Variants in TMEM65 observed in about 807,000 individuals in gnomAD.
TMEM65 encodes the protein transmembrane protein 65.
A neutral mutation model predicts 25.4 loss-of-function variants in TMEM65; 22 were observed. That is an observed-to-expected ratio of 0.86 (90% CI 0.62 to 1.23). TMEM65 has a LOEUF of 1.23. TMEM65 is among the 50% of genes most tolerant of loss of function. The pLI is 0.00. For synonymous variants in TMEM65, 132 were observed against 126.2 expected, an observed-to-expected ratio of 1.05 and a Z score of -0.31; for missense variants, 262 against 308.2, an observed-to-expected ratio of 0.85 and a Z score of 1.12.
At chr8:124,353,035 G>A (rs1256395537) in intron 1 of TMEM65, among the ~76,000 whole-genome samples, 4 of 152,114 alleles carry the variant, frequency 2.6e-5, no homozygotes, top group Non-Finnish European at 5.9e-5. Flanking sequence ...GATGAGGCAG[G>A]AAAGTTGCTT....
At chr8:124,363,709 C>T (rs1484173484) in intron 1 of TMEM65, among the ~76,000 whole-genome samples, 1 of 150,516 alleles carries the variant, frequency 6.6e-6, no homozygotes, top group Non-Finnish European at 1.5e-5. Context: ...TAGTGGCGGG[C>T]GCCTGTAGTC....
chr8:124,339,413 T>C (rs145660455), intron 1 of TMEM65, among the ~76,000 whole-genome samples: 1 of 151,522 alleles, frequency 6.6e-6, no homozygotes, highest in East Asian at 1.9e-4. Context: ...CTATAAATAC[T>C]GTCTGCCCAC....
chr8:124,327,241 C>T (rs1814375403), intron 3 of TMEM65, 113 bp downstream of exon 3: 2 of 691,928 alleles, frequency 2.9e-6, no homozygotes, highest in East Asian at 3.0e-5. Context: ...TAAAAAATAT[C>T]CTTGTTCATT....
In TMEM65 at chr8:124,313,178, A is replaced by T. The variant is rs1162679187; in HGVS notation, c.*782T>A. 2 of 151,740 alleles carry T rather than the reference A, an allele frequency of 1.3e-5. No homozygotes were observed. 9.4% of individuals were successfully genotyped at this position (151,740 alleles called of 1,614,324 possible). ...TAATTCCACAATCCCCATTTCAAAG[A>T]CTCTAAAATAATCATTTGCTTCCCC... On this transcript the variant is annotated 3_prime_UTR_variant, in exon 7 of 7. Coordinates refer to ENST00000297632, the MANE Select transcript of TMEM65 (RefSeq NM_194291.3).
intron 2 of TMEM65, 130 bp from the exon 3 acceptor site, chr8:124,327,551 A>G (rs1055037503): frequency 3.4e-6 from 2 of 592,044 alleles, no homozygotes; most frequent in Non-Finnish European, 5.7e-6. Flanking sequence ...CATTTTCCAG[A>G]GCCAATAGAT....
At chr8:124,346,918 G>A (rs1203057281) in intron 1 of TMEM65, among the ~76,000 whole-genome samples, 2 of 152,170 alleles carry the variant, frequency 1.3e-5, no homozygotes, top group Non-Finnish European at 2.9e-5. Flanking sequence ...AAGTTCAAAT[G>A]AGTAAGGTAA....
chr8:124,344,169 G>A (rs1814616432), intron 1 of TMEM65, among the ~76,000 whole-genome samples: 1 of 152,168 alleles, frequency 6.6e-6, no homozygotes, highest in South Asian at 2.1e-4. Context: ...GTAACTCCAT[G>A]TATCAATAAG....
At chr8:124,354,633 A>G (rs192794120) in intron 1 of TMEM65, among the ~76,000 whole-genome samples, 11 of 152,282 alleles carry the variant, frequency 7.2e-5, no homozygotes, top group Admixed American at 5.9e-4. Context: ...GCCCAACTCC[A>G]GACAACACAA....
intron 1 of TMEM65, among the ~76,000 whole-genome samples, chr8:124,339,962 T>C (rs1814565925): frequency 6.6e-6 from 1 of 152,000 alleles, no homozygotes; most frequent in Non-Finnish European, 1.5e-5. Context: ...GTGAGGTGTA[T>C]CAGAAAAGAA....
chr8:124,361,599 G>C (rs1814862229), intron 1 of TMEM65, among the ~76,000 whole-genome samples: 1 of 151,934 alleles, frequency 6.6e-6, no homozygotes, highest in Admixed American at 6.6e-5. Context: ...TTTGGGAGCA[G>C]AGGCGGGTGA....
At chr8:124,331,838 A>T (rs1814436171) in intron 1 of TMEM65, among the ~76,000 whole-genome samples, 2 of 152,148 alleles carry the variant, frequency 1.3e-5, no homozygotes, top group South Asian at 4.1e-4. Context: ...TTTTATAACA[A>T]CAAAAGAACT....
intron 3 of TMEM65, among the ~76,000 whole-genome samples, chr8:124,326,192 C>T (rs573043779): frequency 5.9e-5 from 9 of 152,144 alleles, no homozygotes; most frequent in African/African-American, 1.7e-4. Flanking sequence ...AAAGACCCCA[C>T]CTGGGAACTC....
chr8:124,340,203 A>G (rs1814568338), intron 1 of TMEM65, among the ~76,000 whole-genome samples: 1 of 152,160 alleles, frequency 6.6e-6, no homozygotes, highest in Non-Finnish European at 1.5e-5. Context: ...TAAATTCATG[A>G]GTGTTGTATT....
At chr8:124,332,362 A>G (rs972081285) in intron 1 of TMEM65, among the ~76,000 whole-genome samples, 4 of 152,092 alleles carry the variant, frequency 2.6e-5, no homozygotes, top group African/African-American at 9.7e-5. Context: ...TGAAATACCT[A>G]AAAATTCAAC....
chr8:124,318,409 C>G (rs1364052887), intron 6 of TMEM65, among the ~76,000 whole-genome samples: 1 of 107,852 alleles, frequency 9.3e-6, no homozygotes, highest in Non-Finnish European at 1.7e-5. Context: ...GAGTCTCACT[C>G]TGTCACCCAG....
intron 1 of TMEM65, among the ~76,000 whole-genome samples, chr8:124,361,597 C>T (rs1280499735): frequency 2.6e-5 from 4 of 151,784 alleles, no homozygotes; most frequent in East Asian, 3.9e-4. Context: ...ACTTTGGGAG[C>T]AGAGGCGGGT....
At chr8:124,371,795 C>G (rs1193418039) in intron 1 of TMEM65, 59 bp downstream of exon 1, 15 of 1,457,804 alleles carry the variant, frequency 1.0e-5, no homozygotes, top group Non-Finnish European at 1.1e-5. Flanking sequence ...TCCCGGTGGG[C>G]TGGCGAGAAG....
chr8:124,337,068 T>G (rs1213369538), intron 1 of TMEM65, among the ~76,000 whole-genome samples: 2 of 151,838 alleles, frequency 1.3e-5, no homozygotes, highest in African/African-American at 4.8e-5. Flanking sequence ...ACTAGCAGAT[T>G]AAGCAAACAA....
chr8:124,339,484 A>C (rs1028621193), intron 1 of TMEM65, among the ~76,000 whole-genome samples: 2 of 151,626 alleles, frequency 1.3e-5, no homozygotes, highest in African/African-American at 4.9e-5. Context: ...TTCATGAGTT[A>C]TTTCTTTGCC....
Sources: gnomAD v4.1 joint callset for allele counts (sites outside exome capture counted in the v4.1 genomes callset) on GRCh38, gnomAD v4.1.1 for gene constraint, MANE v1.5 for transcripts, NCBI Gene and HGNC (gene_info 2026-07-23, HGNC 2026-07-21) for gene names.